Variants in FBXW7 observed in about 807,000 individuals in gnomAD.
The protein encoded by FBXW7 is F-box and WD repeat domain containing 7, also known as F-box/WD repeat-containing protein 7.
Under a neutral mutation model 86.3 loss-of-function variants are expected in FBXW7, and 11 were observed. The ratio of observed to expected loss-of-function variants is 0.13; its 90% CI spans 0.08 to 0.21. The LOEUF (loss-of-function observed/expected upper bound fraction) is 0.21, where lower values mean the gene tolerates loss of function less well. FBXW7 is among the 10% of genes least tolerant of loss of function. The pLI is 1.00. For synonymous variants in FBXW7, 313 were observed against 297.9 expected, an observed-to-expected ratio of 1.05 and a Z score of -0.52; for missense variants, 488 against 847.4, an observed-to-expected ratio of 0.58 and a Z score of 5.27.
chr4:152,437,224 G>A (rs1002706008), intron 2 of FBXW7, among the ~76,000 whole-genome samples: 8 of 152,058 alleles, frequency 5.3e-5, no homozygotes, highest in Admixed American at 3.3e-4. Context: ...TCCAACCCTC[G>A]TGGATGACTT....
intron 4 of FBXW7, among the ~76,000 whole-genome samples, chr4:152,351,272 T>C (rs1193835521): frequency 6.6e-6 from 1 of 152,066 alleles, no homozygotes; most frequent in Non-Finnish European, 1.5e-5. Flanking sequence ...CCACACTGAA[T>C]AATAAAGACC....
intron 4 of FBXW7, among the ~76,000 whole-genome samples, chr4:152,361,125 T>C (rs958942294): frequency 4.6e-5 from 7 of 152,036 alleles, no homozygotes; most frequent in Non-Finnish European, 1.0e-4. Context: ...GAAACAAAAA[T>C]AACACTGGAT....
intron 2 of FBXW7, among the ~76,000 whole-genome samples, chr4:152,501,478 C>A (rs1746944443): frequency 6.6e-6 from 1 of 152,040 alleles, no homozygotes. Context: ...AGGATAAAAG[C>A]AAAGTAATAA....
At position 152,398,477 on chromosome 4, in the gene FBXW7, T is replaced by C. The variant is rs181488038; in HGVS notation, c.501+12826A>G. Among the ~76,000 whole-genome samples the C allele has an allele frequency of 4.7e-3, 713 of 152,092 alleles. 6 individuals are homozygous for C. Among genetic ancestry groups the C allele is most frequent in the Middle Eastern group, 6.8e-3 (2 of 294 alleles). ...TTGAATTACTATCCATATTAGAATA[T>C]CCAGTGAAAGAATTCTGAAATGTTC... On this transcript the variant is annotated intron_variant, in intron 4 of 13. Coordinates refer to ENST00000281708, the MANE Select transcript of FBXW7 (RefSeq NM_001349798.2).
intron 2 of FBXW7, among the ~76,000 whole-genome samples, chr4:152,461,609 T>C (rs1021333184): frequency 6.6e-6 from 1 of 152,224 alleles, no homozygotes; most frequent in Non-Finnish European, 1.5e-5. Flanking sequence ...AAATCCAATA[T>C]CTGGCTATAC....
chr4:152,421,609 A>G (rs527281849), intron 2 of FBXW7, among the ~76,000 whole-genome samples: 1 of 152,330 alleles, frequency 6.6e-6, no homozygotes, highest in African/African-American at 2.4e-5. Context: ...GTTTGGCACA[A>G]AAGGCCTAGC....
chr4:152,513,653 G>C (rs1050113691), intron 2 of FBXW7, among the ~76,000 whole-genome samples: 4 of 152,172 alleles, frequency 2.6e-5, no homozygotes, highest in African/African-American at 9.7e-5. Flanking sequence ...AGGACAATTT[G>C]TTGTCTTTTA....
chr4:152,470,086 C>T (rs992998895), intron 2 of FBXW7, among the ~76,000 whole-genome samples: 18 of 151,804 alleles, frequency 1.2e-4, no homozygotes, highest in African/African-American at 3.1e-4. Context: ...CATTTAATGA[C>T]GGTAATTTGT....
chr4:152,436,672 C>A (rs1740409098), intron 2 of FBXW7, among the ~76,000 whole-genome samples: 1 of 152,212 alleles, frequency 6.6e-6, no homozygotes. Flanking sequence ...TTGTTAGGGG[C>A]TGATGCTGCT....
At chr4:152,473,989 AT>A (rs1283946864) in intron 2 of FBXW7, among the ~76,000 whole-genome samples, 3 of 152,174 alleles carry the variant, frequency 2.0e-5, no homozygotes, top group Non-Finnish European at 4.4e-5. Flanking sequence ...GGGGTCACAT[AT>A]CTCAGCAAAA....
intron 4 of FBXW7, among the ~76,000 whole-genome samples, chr4:152,391,802 AGAGTT>A (rs1474222952): frequency 6.6e-6 from 1 of 152,128 alleles, no homozygotes; most frequent in Admixed American, 6.6e-5. Context: ...GCCAGGTAGT[AGAGTT>A]GAGATTTTAA....
At position 152,322,939 on chromosome 4, in the gene FBXW7, C is replaced by T. The variant is rs2126459625; in HGVS notation, c.2066G>A (p.Arg689Gln). ...NTKLVCAVGSRNGTEETKLLV... is the reference protein window; with the variant it reads ...NTKLVCAVGSQNGTEETKLLV... ...CAGCTTGGTTTCTTCAGTCCCATTC[C>T]GACTCCCAACTGCACACACCAGCTT... The change falls in exon 14 of 14, where the codon CGG becomes CAG. Residue 689 changes from arginine (R) to glutamine (Q), a missense_variant. By Grantham distance (43) the Arg-to-Gln change is conservative. Transcript: ENST00000281708. 1 of 1,613,706 alleles carries T rather than the reference C, an allele frequency of 6.2e-7. No individual in the cohort carries two copies. Among genetic ancestry groups the T allele is most frequent in the Non-Finnish European group, 8.5e-7 (1 of 1,179,788 alleles).
chr4:152,423,841 G>C (rs1485774651), intron 2 of FBXW7, among the ~76,000 whole-genome samples: 2 of 152,204 alleles, frequency 1.3e-5, no homozygotes, highest in Non-Finnish European at 2.9e-5. Context: ...TGGGGTGCTA[G>C]ACTGCTTTCT....
chr4:152,478,042 A>G (rs1744577118), intron 2 of FBXW7, among the ~76,000 whole-genome samples: 1 of 152,150 alleles, frequency 6.6e-6, no homozygotes, highest in Non-Finnish European at 1.5e-5. Context: ...ATCAAAATAC[A>G]AACTTTTACT....
chr4:152,535,702 A>G lies in FBXW7; in HGVS notation c.-788T>C, dbSNP rs544163004. On this transcript the variant is annotated 5_prime_UTR_variant, in exon 1 of 14. Transcript: ENST00000281708. ...CCTTGGGGGTCTCGCCCCACGCCCC[A>G]CGGGACGAGGCAGAAGCTCTGGCGC... 1 of 395,334 alleles carries G rather than the reference A, an allele frequency of 2.5e-6. No homozygotes were observed. Among genetic ancestry groups the G allele is most frequent in the African/African-American group, 2.1e-5 (1 of 48,462 alleles). The allele number at this position is 395,334 out of a possible 1,614,324, so 24.5% of individuals were successfully genotyped here.
At chr4:152,431,488 G>GA (rs1321236150) in intron 2 of FBXW7, among the ~76,000 whole-genome samples, 4 of 152,186 alleles carry the variant, frequency 2.6e-5, no homozygotes, top group East Asian at 1.9e-4. Flanking sequence ...TGTTCTCAGG[G>GA]AAAAAAATGG....
intron 2 of FBXW7, among the ~76,000 whole-genome samples, chr4:152,414,527 T>C (rs902833857): frequency 1.1e-4 from 16 of 152,120 alleles, no homozygotes; most frequent in African/African-American, 3.4e-4. Flanking sequence ...GACTGTGTTG[T>C]TACAGTTCTG....
intron 2 of FBXW7, among the ~76,000 whole-genome samples, chr4:152,434,711 T>C (rs1466146731): frequency 6.6e-6 from 1 of 151,886 alleles, no homozygotes; most frequent in Non-Finnish European, 1.5e-5. Flanking sequence ...AAGACAAAAA[T>C]CGTTAAAGAG....
At chr4:152,360,686 T>C (rs1467614855) in intron 4 of FBXW7, among the ~76,000 whole-genome samples, 2 of 152,044 alleles carry the variant, frequency 1.3e-5, no homozygotes, top group Non-Finnish European at 2.9e-5. Context: ...TAGGTGACTA[T>C]GGAAGGGTGA....
Sources: gnomAD v4.1 joint callset for allele counts (sites outside exome capture counted in the v4.1 genomes callset) on GRCh38, gnomAD v4.1.1 for gene constraint, MANE v1.5 for transcripts, NCBI Gene and HGNC (gene_info 2026-07-23, HGNC 2026-07-21) for gene names.